Variants in ACBD6 observed in about 807,000 individuals in gnomAD.
ACBD6 encodes acyl-CoA binding domain containing 6.
A neutral mutation model predicts 37.2 loss-of-function variants in ACBD6; 28 were observed. That is an observed-to-expected ratio of 0.75 (90% CI 0.56 to 1.03). The LOEUF (loss-of-function observed/expected upper bound fraction) is 1.03. Among genes scored for constraint, ACBD6 ranks in the 50% least tolerant of loss-of-function variants. The pLI is 0.00. For synonymous variants in ACBD6, 113 were observed against 126.8 expected, an observed-to-expected ratio of 0.89 and a Z score of 0.73; for missense variants, 340 against 337.4, an observed-to-expected ratio of 1.01 and a Z score of -0.06.
At chr1:180,332,239 G>A (rs1651513879) in intron 6 of ACBD6, among the ~76,000 whole-genome samples, 1 of 152,158 alleles carries the variant, frequency 6.6e-6, no homozygotes, top group Non-Finnish European at 1.5e-5. Context: ...CCCCACATCA[G>A]TACAAACCTC....
At chr1:180,359,377 A>G (rs577953005) in intron 6 of ACBD6, among the ~76,000 whole-genome samples, 27 of 152,294 alleles carry the variant, frequency 1.8e-4, no homozygotes, top group Admixed American at 1.3e-3. Flanking sequence ...CTCTATCGCT[A>G]TTATACAGTA....
In ACBD6 at chr1:180,386,620, C is replaced by T. The variant is rs534732386; in HGVS notation, c.663+10896G>A. On this transcript the variant is annotated intron_variant, in intron 6 of 7. Transcript: ENST00000367595. ...GAGCCTCTGTTAATTTCTTTTCCAT[C>T]TACTTCTCTCTGTTATTCAAATTAT... Among the ~76,000 whole-genome samples the T allele has an allele frequency of 3.3e-5, 5 of 152,196 alleles. No individual in the cohort carries two copies. In the East Asian group the frequency reaches 9.7e-4, roughly 29 times the overall value.
chr1:180,434,687 T>C (rs377308479), intron 3 of ACBD6: 3 of 427,864 alleles, frequency 7.0e-6, no homozygotes, highest in South Asian at 2.2e-5. Flanking sequence ...CTGCTTCGAG[T>C]TGTCCTGTCT....
intron 6 of ACBD6, among the ~76,000 whole-genome samples, chr1:180,382,004 G>A (rs546985296): frequency 2.0e-5 from 3 of 151,330 alleles, no homozygotes; most frequent in South Asian, 4.2e-4. Flanking sequence ...AGCTACCAGG[G>A]AGGCTGAGGC....
chr1:180,453,220 G>A (rs868532378), intron 3 of ACBD6, among the ~76,000 whole-genome samples: 8 of 152,202 alleles, frequency 5.3e-5, no homozygotes, highest in African/African-American at 9.7e-5. Flanking sequence ...TATCCACCAC[G>A]ATCAAGTTGG....
chr1:180,418,838 C>A (rs1367273476), intron 4 of ACBD6, among the ~76,000 whole-genome samples: 1 of 152,176 alleles, frequency 6.6e-6, no homozygotes, highest in Non-Finnish European at 1.5e-5. Context: ...TTCTGAAAAA[C>A]CTTGGTTTAA....
At chr1:180,326,849 G>T (rs1392133559) in intron 6 of ACBD6, among the ~76,000 whole-genome samples, 4 of 152,122 alleles carry the variant, frequency 2.6e-5, no homozygotes, top group African/African-American at 9.7e-5. Context: ...ATGTCATCTG[G>T]GAGGTAGGCC....
Position 180,366,144 on chromosome 1 carries a change from A to G in ACBD6, c.663+31372T>C, listed in dbSNP as rs139987947. Reference sequence around the variant, plus strand: ...ATTTAAATAGTACATCTCAGAAACCATCAATGAGCCACCAGTTCAACATTC... The same window carrying G: ...ATTTAAATAGTACATCTCAGAAACCGTCAATGAGCCACCAGTTCAACATTC... On this transcript the variant is annotated intron_variant, in intron 6 of 7. Transcript: ENST00000367595. Among the ~76,000 whole-genome samples the G allele has an allele frequency of 5.5e-3, 832 of 152,344 alleles. 6 individuals carry two copies. Among genetic ancestry groups the G allele is most frequent in the African/African-American group, 0.019 (787 of 41,584 alleles).
chr1:180,468,009 A>G (rs1650415640), intron 3 of ACBD6, among the ~76,000 whole-genome samples: 1 of 152,180 alleles, frequency 6.6e-6, no homozygotes, highest in Non-Finnish European at 1.5e-5. Context: ...AAAATCCCAG[A>G]ATATGAAGGA....
At chr1:180,348,507 T>C (rs894160902) in intron 6 of ACBD6, among the ~76,000 whole-genome samples, 1 of 152,218 alleles carries the variant, frequency 6.6e-6, no homozygotes, top group Admixed American at 6.5e-5. Context: ...AGTTTCAGAA[T>C]TTGAGGTTGT....
At chr1:180,435,771 T>G (rs113094548) in intron 3 of ACBD6, 2 of 868,856 alleles carry the variant, frequency 2.3e-6, no homozygotes, top group Admixed American at 1.7e-5. Flanking sequence ...AAGTATCAGA[T>G]TGACTCTGAC....
At chr1:180,419,792 AC>A (rs1648278051) in intron 4 of ACBD6, among the ~76,000 whole-genome samples, 1 of 152,202 alleles carries the variant, frequency 6.6e-6, no homozygotes, top group Non-Finnish European at 1.5e-5. Context: ...AAAGGTCTTC[AC>A]CCTGTTGTCT....
intron 8 of ACBD6, among the ~76,000 whole-genome samples, chr1:180,282,478 G>A (rs1294414678): frequency 1.3e-5 from 2 of 152,174 alleles, no homozygotes; most frequent in Admixed American, 1.3e-4. Flanking sequence ...GAGAGCCCAG[G>A]CAAGAACTTT....
chr1:180,325,943 C>T (rs928786744), intron 6 of ACBD6, among the ~76,000 whole-genome samples: 3 of 152,194 alleles, frequency 2.0e-5, no homozygotes, highest in Non-Finnish European at 4.4e-5. Context: ...CCTGTGGCCA[C>T]CACCACTGGG....
At chr1:180,467,392 A>G (rs964858624) in intron 3 of ACBD6, among the ~76,000 whole-genome samples, 4 of 140,548 alleles carry the variant, frequency 2.8e-5, no homozygotes, top group African/African-American at 1.1e-4. Context: ...TGGGAGGATC[A>G]CTTCAGCCCA....
chr1:180,352,725 A>G (rs952833573), intron 6 of ACBD6, among the ~76,000 whole-genome samples: 2 of 152,218 alleles, frequency 1.3e-5, no homozygotes, highest in African/African-American at 4.8e-5. Flanking sequence ...TTAACTAGAG[A>G]TAAGACTTTC....
chr1:180,344,207 T>C (rs1317806914), intron 6 of ACBD6, among the ~76,000 whole-genome samples: 2 of 151,784 alleles, frequency 1.3e-5, no homozygotes, highest in African/African-American at 2.4e-5. Context: ...CTAATGGTAA[T>C]TAGAAGGAAT....
At chr1:180,481,088 C>G (rs1651024343) in intron 3 of ACBD6, among the ~76,000 whole-genome samples, 1 of 151,944 alleles carries the variant, frequency 6.6e-6, no homozygotes, top group Admixed American at 6.6e-5. Flanking sequence ...ACTGAGCATT[C>G]ATGGCAATAA....
exon 11 of ACBD6, chr1:180,273,973 A>G: frequency 6.7e-6 from 4 of 598,268 alleles, no homozygotes; most frequent in East Asian, 5.7e-5. Flanking sequence ...CTGGGAATTT[A>G]GTCTTTGCAG....
Sources: allele counts gnomAD v4.1 joint callset (sites outside exome capture counted in the v4.1 genomes callset), GRCh38; gene constraint gnomAD v4.1.1; transcripts MANE v1.5; gene names NCBI Gene and HGNC (gene_info 2026-07-23, HGNC 2026-07-21).